STON2: variants seen among roughly 807,000 people sequenced by gnomAD.
The protein encoded by STON2 is stonin 2.
Under a neutral mutation model 65.7 loss-of-function variants are expected in STON2, and 29 were observed. That is an observed-to-expected ratio of 0.44 (90% confidence interval 0.33 to 0.60). The LOEUF is 0.60. Ranked by LOEUF, STON2 falls within the 20% of genes least tolerant of loss-of-function variation. The pLI is 0.03. For missense variants in STON2, 1,054 were observed against 1,118.1 expected (o/e 0.94, Z 0.82); for synonymous variants, 404 against 414.2 (o/e 0.98, Z 0.30).
intron 3 of STON2, among the ~76,000 whole-genome samples, chr14:81,387,445 T>G (rs1020341514): frequency 3.3e-5 from 5 of 152,130 alleles, no homozygotes; most frequent in Middle Eastern, 3.2e-3. Context: ...TATGAATCCC[T>G]CATTTGGCCT....
chr14:81,281,839 AT>A (rs1187155799), intron 5 of STON2, among the ~76,000 whole-genome samples: 4 of 152,238 alleles, frequency 2.6e-5, no homozygotes. Context: ...AAATGTTTGA[AT>A]TCAATTAATT....
At chr14:81,365,169 T>C (rs1257540482) in intron 4 of STON2, among the ~76,000 whole-genome samples, 2 of 152,172 alleles carry the variant, frequency 1.3e-5, no homozygotes, top group Non-Finnish European at 2.9e-5. Flanking sequence ...GCTGTTGTCC[T>C]GTCCAGTCTC....
At chr14:81,319,406 C>G (rs1418933136) in intron 5 of STON2, among the ~76,000 whole-genome samples, 4 of 152,104 alleles carry the variant, frequency 2.6e-5, no homozygotes, top group African/African-American at 9.7e-5. Flanking sequence ...CGCATCATGT[C>G]TAAACCCCAG....
In STON2 at chr14:81,265,010, T is replaced by C; in HGVS notation, c.*3404A>G. On this transcript the variant is annotated 3_prime_UTR_variant, in exon 8 of 8. Coordinates refer to ENST00000614646, the MANE Select transcript of STON2 (RefSeq NM_001394390.1). Reference sequence around the variant, plus strand: ...AATTTATGTTCTAAGAGTAATACTATGTACTGGTAAAATGAATTCATTTTT... The same window carrying C: ...AATTTATGTTCTAAGAGTAATACTACGTACTGGTAAAATGAATTCATTTTT... 4 of 981,020 alleles carry C rather than the reference T, an allele frequency of 4.1e-6. No homozygotes were observed. The highest frequency in any genetic ancestry group is 1.7e-5 in the African/African-American group (1 of 57,208). 60.8% of individuals were successfully genotyped at this position (981,020 alleles called of 1,614,324 possible).
chr14:81,429,597 A>G (rs1470968315), intron 1 of STON2, among the ~76,000 whole-genome samples: 1 of 152,200 alleles, frequency 6.6e-6, no homozygotes, highest in East Asian at 1.9e-4. Context: ...TAATTTAGGC[A>G]AAGATTAAAT....
At chr14:81,401,035 C>T (rs536056868), upstream of STON2, among the ~76,000 whole-genome samples, 1 of 152,310 alleles carries the variant, frequency 6.6e-6, no homozygotes, top group South Asian at 2.1e-4. Context: ...TGTTAGCCAT[C>T]GCCAGCACTG....
Position 81,412,473 on chromosome 14 carries a change from A to T in STON2, c.-198-13893T>A, listed in dbSNP as rs1404361417. Among the ~76,000 whole-genome samples, 6 of 140,232 alleles carry T rather than the reference A, an allele frequency of 4.3e-5. 1 individual carries two copies. The highest frequency in any genetic ancestry group is 1.8e-4 in the African/African-American group (6 of 34,186). 92.0% of individuals were successfully genotyped at this position (140,232 alleles called of 152,430 possible). On this transcript the variant is annotated intron_variant, in intron 2 of 8. Coordinates refer to the STON2 transcript ENST00000553821. Reference sequence around the variant, plus strand: ...CCCGTGAGGACATCATGCTAAGTGAAATAAGCCAGTTACAAAACGACAAAT... The same window carrying T: ...CCCGTGAGGACATCATGCTAAGTGATATAAGCCAGTTACAAAACGACAAAT...
chr14:81,386,782 A>AT (rs948687515), intron 3 of STON2, among the ~76,000 whole-genome samples: 26 of 151,718 alleles, frequency 1.7e-4, no homozygotes, highest in African/African-American at 5.1e-4. Context: ...TAGTGCCTTA[A>AT]TTTTTTTTTC....
chr14:81,311,502 G>C (rs530789520), intron 5 of STON2, among the ~76,000 whole-genome samples: 2 of 152,330 alleles, frequency 1.3e-5, no homozygotes, highest in South Asian at 2.1e-4. Flanking sequence ...GCCAGGTACT[G>C]TACAAAAGAA....
rs368511675 is a variant in STON2, at chr14:81,399,891, C to T, written c.-199+388G>A. ...CTGACTTTTCTTCATAATAAGATCT[C>T]ACCCAAAGAATAATCAAGTAAAAGC... On this transcript the variant is annotated intron_variant, in intron 1 of 7. Coordinates refer to ENST00000614646, the MANE Select transcript of STON2 (RefSeq NM_001394390.1). Among the ~76,000 whole-genome samples, 163 of 152,148 alleles carry T rather than the reference C, an allele frequency of 1.1e-3. 1 individual carries two copies. The highest frequency in any genetic ancestry group is 3.8e-3 in the African/African-American group (159 of 41,506).
In STON2 at chr14:81,266,561, CAACTT is replaced by C. The variant is rs1894365042; in HGVS notation, c.*1848_*1852del. On this transcript the variant is annotated 3_prime_UTR_variant, in exon 8 of 8. Coordinates refer to ENST00000614646, the MANE Select transcript of STON2 (RefSeq NM_001394390.1). ...CTGGTCACCTCCCTATGGACACAAT[CAACTT>C]ATTAATGTCTCTCTTAAAATATGAT... The C allele has an allele frequency of 1.6e-6, 1 of 626,082 alleles. No individual in the cohort carries two copies. Among genetic ancestry groups the C allele is most frequent in the African/African-American group, 2.0e-5 (1 of 49,772 alleles). 38.8% of individuals were successfully genotyped at this position (626,082 alleles called of 1,614,324 possible).
intron 2 of STON2, among the ~76,000 whole-genome samples, chr14:81,426,421 TA>T (rs1400373030): frequency 6.6e-6 from 1 of 152,116 alleles, no homozygotes; most frequent in African/African-American, 2.4e-5. Context: ...CTCCAGCTGT[TA>T]AATACCTTCA....
At chr14:81,383,175 T>A (rs1899617487) in intron 3 of STON2, among the ~76,000 whole-genome samples, 1 of 152,176 alleles carries the variant, frequency 6.6e-6, no homozygotes, top group Admixed American at 6.5e-5. Flanking sequence ...TCCTATGAGG[T>A]TAAGATCAGG....
intron 5 of STON2, among the ~76,000 whole-genome samples, chr14:81,309,855 A>G (rs1412562908): frequency 6.6e-6 from 1 of 152,208 alleles, no homozygotes; most frequent in Non-Finnish European, 1.5e-5. Context: ...CTTATTTGAG[A>G]ATCCTCTGCA....
chr14:81,403,773 T>C (rs1482115741), upstream of STON2, among the ~76,000 whole-genome samples: 1 of 152,206 alleles, frequency 6.6e-6, no homozygotes, highest in Non-Finnish European at 1.5e-5. Flanking sequence ...CCTGCTTGTA[T>C]TAGCCAAAAT....
intron 7 of STON2, among the ~76,000 whole-genome samples, chr14:81,268,937 C>T (rs547283779): frequency 1.3e-5 from 2 of 152,242 alleles, no homozygotes; most frequent in East Asian, 1.9e-4. Flanking sequence ...AGTGGGCAAT[C>T]GACAAAGATT....
chr14:81,275,281 T>C (rs1173071405), intron 6 of STON2, among the ~76,000 whole-genome samples: 5 of 152,162 alleles, frequency 3.3e-5, no homozygotes, highest in African/African-American at 1.2e-4. Flanking sequence ...TTTGTGTCTA[T>C]TTGGCTTCAT....
At chr14:81,412,376 A>G (rs140720770) in intron 2 of STON2, among the ~76,000 whole-genome samples, 1 of 140,248 alleles carries the variant, frequency 7.1e-6, no homozygotes, top group East Asian at 2.5e-4. Context: ...AAAATGTAGT[A>G]TATACATGCA....
chr14:81,366,481 C>T (rs1898733527), intron 4 of STON2, among the ~76,000 whole-genome samples: 1 of 152,030 alleles, frequency 6.6e-6, no homozygotes, highest in South Asian at 2.1e-4. Flanking sequence ...CAGGGAGAGC[C>T]CAGCTCAGCT....
Sources: allele counts gnomAD v4.1 joint callset (sites outside exome capture counted in the v4.1 genomes callset), GRCh38; gene constraint gnomAD v4.1.1; transcripts MANE v1.5; gene names NCBI Gene and HGNC (gene_info 2026-07-23, HGNC 2026-07-21).